LRP1B: variants seen among roughly 807,000 people sequenced by gnomAD.
LRP1B encodes low-density lipoprotein receptor-related protein 1B.
In LRP1B, 217 loss-of-function variants were observed where a neutral mutation model predicts 556.6. That is an observed-to-expected ratio of 0.39 (90% CI 0.35 to 0.44). LRP1B has a LOEUF of 0.44. Among genes scored for constraint, LRP1B ranks in the 20% least tolerant of loss-of-function variants. The pLI, the probability that LRP1B is intolerant of heterozygous loss-of-function variation, is 1.00. For synonymous variants in LRP1B, 2,047 were observed against 1,865.8 expected (o/e 1.10, Z -2.50); for missense variants, 5,053 against 5,620.8 (o/e 0.90, Z 3.23).
Position 141,338,546 on chromosome 2 carries a change from A to G in LRP1B, c.344-83905T>C, listed in dbSNP as rs1399773980. 2.0e-5 allele frequency among the ~76,000 whole-genome samples: 3 copies of G among 152,186 alleles called. 1 individual carries two copies. Among genetic ancestry groups the G allele is most frequent in the African/African-American group, 7.2e-5 (3 of 41,464 alleles). ...TGAATACATCTACTCCTACATATGT[A>G]TCAGAGTTCTAATTAGCTATTCTAT... is the stretch of plus-strand genomic sequence containing the variant. On this transcript the variant is annotated intron_variant, in intron 3 of 90. Transcript: ENST00000389484.
At chr2:141,257,789 A>G (rs973890963) in intron 3 of LRP1B, among the ~76,000 whole-genome samples, 6 of 152,238 alleles carry the variant, frequency 3.9e-5, no homozygotes, top group African/African-American at 1.4e-4. Flanking sequence ...ACCATGAAGA[A>G]CTAACAATAT....
At chr2:141,384,566 T>C (rs1378217688) in intron 3 of LRP1B, among the ~76,000 whole-genome samples, 2 of 152,112 alleles carry the variant, frequency 1.3e-5, no homozygotes, top group Non-Finnish European at 2.9e-5. Context: ...GAGACACCCA[T>C]GGGAAGCCAT....
chr2:140,871,757 A>T (rs952667778), intron 25 of LRP1B, among the ~76,000 whole-genome samples: 2 of 152,098 alleles, frequency 1.3e-5, no homozygotes, highest in African/African-American at 4.8e-5. Flanking sequence ...CTGTCACCCC[A>T]TGCTGCAGTT....
At chr2:140,248,482 G>A (rs563095548) in intron 86 of LRP1B, among the ~76,000 whole-genome samples, 1 of 151,550 alleles carries the variant, frequency 6.6e-6, no homozygotes, top group South Asian at 2.1e-4. Context: ...ATCATAAAAA[G>A]CTAACACATT....
intron 7 of LRP1B, among the ~76,000 whole-genome samples, chr2:141,131,960 A>G (rs775533586): frequency 2.6e-5 from 4 of 151,782 alleles, no homozygotes; most frequent in Non-Finnish European, 5.9e-5. Flanking sequence ...GTTGAACCCA[A>G]TTTGTAGCCT....
chr2:140,479,966 C>A (rs1007558576), intron 59 of LRP1B, among the ~76,000 whole-genome samples: 5 of 152,120 alleles, frequency 3.3e-5, no homozygotes, highest in Non-Finnish European at 7.4e-5. Flanking sequence ...TAGGTGCAGG[C>A]ACAAGGTCTC....
intron 37 of LRP1B, among the ~76,000 whole-genome samples, chr2:140,708,329 T>C (rs963174534): frequency 6.6e-6 from 1 of 151,962 alleles, no homozygotes; most frequent in African/African-American, 2.4e-5. Context: ...CAAAATTATT[T>C]AACTTATTTG....
chr2:140,741,778 A>C (rs1688148518), intron 35 of LRP1B, among the ~76,000 whole-genome samples: 1 of 152,044 alleles, frequency 6.6e-6, no homozygotes, highest in Non-Finnish European at 1.5e-5. Context: ...ACATAATATT[A>C]GGCCTCTGTG....
chr2:140,494,666 G>C (rs1293604921), intron 56 of LRP1B, among the ~76,000 whole-genome samples: 2 of 150,180 alleles, frequency 1.3e-5, no homozygotes, highest in Non-Finnish European at 3.0e-5. Context: ...TTCAGGGAAG[G>C]AAGATAAGTG....
chr2:140,545,644 C>T (rs549374399), intron 43 of LRP1B, among the ~76,000 whole-genome samples: 3 of 152,082 alleles, frequency 2.0e-5, no homozygotes, highest in Middle Eastern at 3.4e-3. Context: ...TTGGTCTATA[C>T]GTCAGTTTTT....
At chr2:142,070,098 C>T (rs1705254888) in intron 1 of LRP1B, among the ~76,000 whole-genome samples, 1 of 151,784 alleles carries the variant, frequency 6.6e-6, no homozygotes, top group South Asian at 2.1e-4. Flanking sequence ...ACACATTCCA[C>T]ATTCCCAACA....
chr2:141,224,988 TA>T (rs1205854944), intron 6 of LRP1B, among the ~76,000 whole-genome samples: 3 of 151,984 alleles, frequency 2.0e-5, no homozygotes, highest in African/African-American at 7.2e-5. Flanking sequence ...AAATTAAAAA[TA>T]AAAGATAAAA....
chr2:141,630,952 G>A (rs1688885042), intron 2 of LRP1B, among the ~76,000 whole-genome samples: 1 of 151,892 alleles, frequency 6.6e-6, no homozygotes, highest in Non-Finnish European at 1.5e-5. Context: ...CCTTTTCACT[G>A]ATGCTCACTA....
chr2:141,116,799 T>A (rs1245181260), intron 7 of LRP1B, among the ~76,000 whole-genome samples: 9 of 152,084 alleles, frequency 5.9e-5, no homozygotes, highest in African/African-American at 2.2e-4. Flanking sequence ...CAACAAAGAC[T>A]GGAAAGTATA....
At chr2:142,074,143 A>C (rs1263607529) in intron 1 of LRP1B, among the ~76,000 whole-genome samples, 4 of 151,636 alleles carry the variant, frequency 2.6e-5, no homozygotes, top group Non-Finnish European at 5.9e-5. Context: ...GTAATTTATC[A>C]CCCCTCACTC....
intron 3 of LRP1B, among the ~76,000 whole-genome samples, chr2:141,285,869 A>G (rs1169964272): frequency 1.3e-5 from 2 of 149,272 alleles, no homozygotes; most frequent in East Asian, 4.0e-4. Flanking sequence ...GATCGAGACC[A>G]TCCCGGCTAC....
chr2:141,801,717 C>T (rs1369737747), intron 2 of LRP1B, among the ~76,000 whole-genome samples: 1 of 152,038 alleles, frequency 6.6e-6, no homozygotes, highest in East Asian at 1.9e-4. Context: ...TTGTAACTAC[C>T]TTTACCCCAC....
At chr2:141,251,544 C>T (rs945133357) in intron 4 of LRP1B, among the ~76,000 whole-genome samples, 14 of 151,918 alleles carry the variant, frequency 9.2e-5, no homozygotes, top group Non-Finnish European at 1.5e-4. Context: ...TTATTGACTA[C>T]GGTGATAGCC....
chr2:140,709,247 G>A (rs115517668), intron 37 of LRP1B, among the ~76,000 whole-genome samples: 203 of 152,178 alleles, frequency 1.3e-3, no homozygotes, highest in African/African-American at 4.6e-3. Context: ...ATGTGTTTCA[G>A]TTAGAGATTA....
Sources: allele counts gnomAD v4.1 joint callset (sites outside exome capture counted in the v4.1 genomes callset), GRCh38; gene constraint gnomAD v4.1.1; transcripts MANE v1.5; gene names NCBI Gene and HGNC (gene_info 2026-07-23, HGNC 2026-07-21).